PPP2R2C: variants seen among roughly 807,000 people sequenced by gnomAD.
The protein encoded by PPP2R2C is protein phosphatase 2 regulatory subunit Bgamma.
In PPP2R2C, 10 loss-of-function variants were observed where a neutral mutation model predicts 45.3. The ratio of observed to expected loss-of-function variants is 0.22; its 90% CI spans 0.14 to 0.37. PPP2R2C has a LOEUF of 0.37. PPP2R2C is among the 10% of genes least tolerant of loss of function. The probability of loss-of-function intolerance (pLI) is 1.00; values close to 1 mark genes in which losing one functional copy is unlikely to be tolerated. For missense variants in PPP2R2C, 308 were observed against 619.7 expected, an observed-to-expected ratio of 0.50 and a Z score of 5.34; for synonymous variants, 257 against 245.4, an observed-to-expected ratio of 1.05 and a Z score of -0.44.
chr4:6,492,353 CAGGG>C (rs1722722397), intron 2 of PPP2R2C, among the ~76,000 whole-genome samples: 1 of 152,220 alleles, frequency 6.6e-6, no homozygotes, highest in African/African-American at 2.4e-5. Flanking sequence ...ACCCCACAGA[CAGGG>C]AGGTCTGGTC....
chr4:6,552,397 G>A (rs1017108862), intron 1 of PPP2R2C, among the ~76,000 whole-genome samples: 3 of 152,134 alleles, frequency 2.0e-5, no homozygotes, highest in African/African-American at 4.8e-5. Flanking sequence ...CTTGATCTTC[G>A]AGCTTCTGGA....
At chr4:6,347,372 T>C (rs1255992855) in intron 6 of PPP2R2C, among the ~76,000 whole-genome samples, 1 of 151,814 alleles carries the variant, frequency 6.6e-6, no homozygotes, top group Admixed American at 6.6e-5. Flanking sequence ...CTGTGGTGGG[T>C]TCTAGGATGA....
intron 1 of PPP2R2C, among the ~76,000 whole-genome samples, chr4:6,394,724 G>A (rs760512061): frequency 6.6e-6 from 1 of 152,232 alleles, no homozygotes; most frequent in African/African-American, 2.4e-5. Flanking sequence ...TGGCTTCTGT[G>A]CTCCCAGCAC....
chr4:6,389,738 ATCT>A (rs1310044013), intron 1 of PPP2R2C, among the ~76,000 whole-genome samples: 2 of 152,144 alleles, frequency 1.3e-5, no homozygotes, highest in Admixed American at 1.3e-4. Context: ...CTATTACTGA[ATCT>A]TCTTAACAAC....
chr4:6,501,548 T>C (rs1303730086), intron 2 of PPP2R2C, among the ~76,000 whole-genome samples: 1 of 152,178 alleles, frequency 6.6e-6, no homozygotes, highest in East Asian at 1.9e-4. Flanking sequence ...TTGATGCACA[T>C]TAGCACCATT....
At chr4:6,556,585 C>T (rs1725407829) in intron 1 of PPP2R2C, among the ~76,000 whole-genome samples, 2 of 152,200 alleles carry the variant, frequency 1.3e-5, no homozygotes, top group South Asian at 2.1e-4. Flanking sequence ...GGCACAAATA[C>T]CTCATGCTCT....
chr4:6,558,386 G>A (rs1725480346), intron 1 of PPP2R2C, among the ~76,000 whole-genome samples: 1 of 152,172 alleles, frequency 6.6e-6, no homozygotes, highest in African/African-American at 2.4e-5. Context: ...ACCCATGCAA[G>A]GTCAAGGAGA....
At chr4:6,410,341 G>A (rs1030367910) in intron 1 of PPP2R2C, among the ~76,000 whole-genome samples, 6 of 152,168 alleles carry the variant, frequency 3.9e-5, no homozygotes, top group South Asian at 4.2e-4. Flanking sequence ...GTATGCCCTC[G>A]TCACCCATCA....
At chr4:6,542,815 T>C (rs1321379726) in intron 1 of PPP2R2C, among the ~76,000 whole-genome samples, 1 of 150,216 alleles carries the variant, frequency 6.7e-6, no homozygotes, top group Non-Finnish European at 1.5e-5. Flanking sequence ...CGAGAAGAAA[T>C]AGAAAACCAG....
intron 1 of PPP2R2C, among the ~76,000 whole-genome samples, chr4:6,442,768 G>A (rs1392055411): frequency 2.0e-5 from 3 of 152,188 alleles, no homozygotes; most frequent in Admixed American, 2.0e-4. Context: ...CTCACCCCAG[G>A]CCACACAGCT....
intron 1 of PPP2R2C, among the ~76,000 whole-genome samples, chr4:6,412,543 G>A (rs1306203109): frequency 2.0e-5 from 3 of 152,204 alleles, no homozygotes; most frequent in African/African-American, 7.2e-5. Context: ...CTCCTGAAGG[G>A]CACAGTTAGG....
chr4:6,432,452 G>A (rs562373369), intron 1 of PPP2R2C, among the ~76,000 whole-genome samples: 11 of 152,252 alleles, frequency 7.2e-5, no homozygotes, highest in South Asian at 4.1e-4. Flanking sequence ...CTGCTGCCTC[G>A]TTTCCCCCTC....
chr4:6,356,903 G>T (rs1713246938), intron 5 of PPP2R2C, among the ~76,000 whole-genome samples: 1 of 151,654 alleles, frequency 6.6e-6, no homozygotes, highest in Non-Finnish European at 1.5e-5. Context: ...GCAGGGAGGG[G>T]CTGTCAGGTG....
intron 1 of PPP2R2C, among the ~76,000 whole-genome samples, chr4:6,456,705 GGCTGCCTTCCC>G (rs1721059644): frequency 6.6e-6 from 1 of 152,108 alleles, no homozygotes; most frequent in Non-Finnish European, 1.5e-5. Flanking sequence ...GTGAACCACG[GGCTGCCTTCCC>G]ACTTCCACAG....
intron 1 of PPP2R2C, among the ~76,000 whole-genome samples, chr4:6,553,605 G>A (rs894766813): frequency 6.6e-6 from 1 of 152,154 alleles, no homozygotes; most frequent in African/African-American, 2.4e-5. Flanking sequence ...AATCAGCAGC[G>A]AGTCCTTCTT....
rs1163126128 is a variant in PPP2R2C, at chr4:6,331,068, A to G, written c.961-1715T>C. Among the ~76,000 whole-genome samples the G allele has an allele frequency of 6.6e-6, 1 of 152,118 alleles. No individual in the cohort carries two copies. Among genetic ancestry groups the G allele is most frequent in the Non-Finnish European group, 1.5e-5 (1 of 68,034 alleles). On this transcript the variant is annotated intron_variant, in intron 7 of 8. Coordinates refer to ENST00000382599, the MANE Select transcript of PPP2R2C (RefSeq NM_020416.4). This position sits in a 1 kb window ranked among gnomAD's most constrained non-coding sequence, Gnocchi z 5.9. ...TGGCTCAGTATGTGTAACAACTAAA[A>G]TCAAGGGGGATGAATGGCAGCAGGT...
chr4:6,492,477 G>A (rs946982517), intron 2 of PPP2R2C, among the ~76,000 whole-genome samples: 2 of 152,182 alleles, frequency 1.3e-5, no homozygotes, highest in Non-Finnish European at 2.9e-5. Context: ...CAAGGCCTCT[G>A]CCCACACCAC....
intron 6 of PPP2R2C, among the ~76,000 whole-genome samples, chr4:6,346,501 C>T (rs956712576): frequency 1.7e-4 from 26 of 152,208 alleles, no homozygotes; most frequent in African/African-American, 5.3e-4. Flanking sequence ...CCCTGACATG[C>T]GTCAGGTGTG....
chr4:6,359,792 C>T (rs558617955), intron 5 of PPP2R2C, among the ~76,000 whole-genome samples: 3 of 152,260 alleles, frequency 2.0e-5, no homozygotes, highest in South Asian at 2.1e-4. Context: ...GCCCCCCGGT[C>T]GTCCTCTCCT....
Sources: allele counts gnomAD v4.1 joint callset (sites outside exome capture counted in the v4.1 genomes callset), GRCh38; gene constraint gnomAD v4.1.1; non-coding constraint Gnocchi (gnomAD v3.1); transcripts MANE v1.5; gene names NCBI Gene and HGNC (gene_info 2026-07-23, HGNC 2026-07-21).